Variants in CSMD2 observed in about 807,000 individuals in gnomAD.
CSMD2 encodes CUB and Sushi multiple domains 2.
A neutral mutation model predicts 398.5 loss-of-function variants in CSMD2; 130 were observed. The observed-to-expected ratio is 0.33, with a 90% CI of 0.28 to 0.38. The LOEUF (loss-of-function observed/expected upper bound fraction) is 0.38. Among genes scored for constraint, CSMD2 ranks in the 10% least tolerant of loss-of-function variants. The pLI is 1.00. For missense variants in CSMD2, 3,829 were observed against 4,764.9 expected, an observed-to-expected ratio of 0.80 and a Z score of 5.78; for synonymous variants, 1,828 against 1,908.5, an observed-to-expected ratio of 0.96 and a Z score of 1.10.
chr1:33,582,435 C>T (rs1355227515), intron 47 of CSMD2, among the ~76,000 whole-genome samples: 1 of 152,152 alleles, frequency 6.6e-6, no homozygotes, highest in African/African-American at 2.4e-5. Flanking sequence ...CTGCCCCCAG[C>T]AGAAAGGTGC....
intron 12 of CSMD2, among the ~76,000 whole-genome samples, chr1:33,778,956 C>A (rs2149344729): frequency 6.6e-6 from 1 of 152,308 alleles, no homozygotes; most frequent in African/African-American, 2.4e-5. Context: ...GAACCCTCTG[C>A]TATCCACCCC....
At chr1:33,608,988 C>T (rs544066059) in intron 41 of CSMD2, among the ~76,000 whole-genome samples, 8 of 152,346 alleles carry the variant, frequency 5.3e-5, no homozygotes, top group Admixed American at 2.0e-4. Flanking sequence ...TGTGACATCA[C>T]GGCCATCCGA....
intron 2 of CSMD2, among the ~76,000 whole-genome samples, chr1:34,071,233 A>G (rs780623525): frequency 6.6e-6 from 1 of 152,230 alleles, no homozygotes; most frequent in Non-Finnish European, 1.5e-5. Context: ...AAGATGCTGC[A>G]TTGCCAGTCT....
chr1:33,540,998 C>G (rs12741094), intron 59 of CSMD2, 132 bp downstream of exon 59: 212,637 of 958,966 alleles, frequency 0.22, 24,904 homozygotes, highest in East Asian at 0.37. Context: ...AGTTTTCTCA[C>G]CTTGCACATC....
intron 51 of CSMD2, 105 bp downstream of exon 51, chr1:33,571,427 C>T: frequency 1.2e-6 from 1 of 822,976 alleles, no homozygotes; most frequent in Admixed American, 3.8e-5. Flanking sequence ...CACTGCAATC[C>T]CTGGTGATAC....
intron 26 of CSMD2, 67 bp downstream of exon 26, chr1:33,662,823 G>A: frequency 7.2e-7 from 1 of 1,383,676 alleles, no homozygotes; most frequent in Non-Finnish European, 1.0e-6. Flanking sequence ...GAAAGTGAGG[G>A]CCAGAGGAAG....
chr1:33,552,043 G>A (rs1437655910), intron 55 of CSMD2, among the ~76,000 whole-genome samples: 1 of 152,196 alleles, frequency 6.6e-6, no homozygotes, highest in Non-Finnish European at 1.5e-5. Context: ...AACATGTGGG[G>A]CAGAGATGAG....
intron 23 of CSMD2, 147 bp from the exon 24 acceptor site, chr1:33,699,091 A>C: frequency 1.7e-6 from 1 of 597,810 alleles, no homozygotes; most frequent in Middle Eastern, 4.3e-4. Flanking sequence ...GGATTTCCTC[A>C]TTTCTATGCT....
At chr1:34,043,072 C>T (rs545643820) in intron 2 of CSMD2, among the ~76,000 whole-genome samples, 6 of 151,998 alleles carry the variant, frequency 3.9e-5, no homozygotes, top group Non-Finnish European at 7.4e-5. Context: ...TACAGGTGCC[C>T]GCCACCACGC....
intron 3 of CSMD2, among the ~76,000 whole-genome samples, chr1:34,028,738 T>C (rs1298779864): frequency 1.3e-4 from 20 of 152,178 alleles, no homozygotes; most frequent in Non-Finnish European, 2.9e-5. Flanking sequence ...AATGAGATAA[T>C]GTATGTAAAG....
chr1:33,806,923 A>G (rs1416470094), intron 10 of CSMD2, among the ~76,000 whole-genome samples: 1 of 152,214 alleles, frequency 6.6e-6, no homozygotes, highest in Non-Finnish European at 1.5e-5. Context: ...CTTCTAGAAG[A>G]AGAAAAAAGA....
At chr1:33,867,188 G>A (rs148304284) in intron 5 of CSMD2, among the ~76,000 whole-genome samples, 1 of 152,352 alleles carries the variant, frequency 6.6e-6, no homozygotes, top group East Asian at 1.9e-4. Context: ...GCTGCTTGAT[G>A]AAGTAAGTGG....
chr1:33,869,130 G>A (rs1484624656), intron 5 of CSMD2: 2 of 152,250 alleles, frequency 1.3e-5, no homozygotes, highest in Non-Finnish European at 2.9e-5. Context: ...GTGCAACTGA[G>A]AGCCACAGAG....
At chr1:33,530,167 A>T (rs1378799094) in intron 64 of CSMD2, among the ~76,000 whole-genome samples, 2 of 152,238 alleles carry the variant, frequency 1.3e-5, no homozygotes, top group Non-Finnish European at 2.9e-5. Flanking sequence ...GTGGAATGGG[A>T]GAAATTGTTT....
intron 1 of CSMD2, among the ~76,000 whole-genome samples, chr1:34,122,046 G>T (rs1662245075): frequency 6.7e-6 from 1 of 148,952 alleles, no homozygotes; most frequent in Non-Finnish European, 1.5e-5. Flanking sequence ...TCTCTTTCCA[G>T]CTGGTAGGAA....
chr1:33,954,646 C>T (rs1362665264), intron 3 of CSMD2, among the ~76,000 whole-genome samples: 1 of 152,098 alleles, frequency 6.6e-6, no homozygotes, highest in Admixed American at 6.6e-5. Context: ...GGAATTCTGA[C>T]ACATACTACA....
At chr1:33,977,894 C>G (rs1455021055) in intron 3 of CSMD2, among the ~76,000 whole-genome samples, 3 of 152,090 alleles carry the variant, frequency 2.0e-5, no homozygotes, top group African/African-American at 7.2e-5. Context: ...CTTCTATAAA[C>G]TACTGAAAGA....
chr1:33,707,630 CA>C (rs1645831102), intron 22 of CSMD2, among the ~76,000 whole-genome samples: 1 of 150,856 alleles, frequency 6.6e-6, no homozygotes, highest in Non-Finnish European at 1.5e-5. Context: ...TTCTTGGGTT[CA>C]AAAAGGATTA....
intron 5 of CSMD2, chr1:33,864,702 C>T (rs571098519): frequency 1.9e-5 from 30 of 1,613,146 alleles, no homozygotes; most frequent in African/African-American, 6.7e-5. Context: ...GAAGAAGTAC[C>T]GAATGTCAGC....
Sources: allele counts gnomAD v4.1 joint callset (sites outside exome capture counted in the v4.1 genomes callset), GRCh38; gene constraint gnomAD v4.1.1; transcripts MANE v1.5; gene names NCBI Gene and HGNC (gene_info 2026-07-23, HGNC 2026-07-21).